ANKFN1: variants seen among roughly 807,000 people sequenced by gnomAD.
The protein encoded by ANKFN1 is ankyrin repeat and fibronectin type III domain containing 1.
In ANKFN1, 74 loss-of-function variants were observed where a neutral mutation model predicts 108.7. That is an observed-to-expected ratio of 0.68 (90% CI 0.56 to 0.83). The LOEUF (loss-of-function observed/expected upper bound fraction) is 0.83. Among genes scored for constraint, ANKFN1 ranks in the 40% least tolerant of loss-of-function variants. The pLI is 0.00. For synonymous variants in ANKFN1, 547 were observed against 516.2 expected (o/e 1.06, Z -0.81); for missense variants, 1,505 against 1,382.3 (o/e 1.09, Z -1.41).
At chr17:56,263,101 T>C (rs1397241758) in intron 3 of ANKFN1, among the ~76,000 whole-genome samples, 2 of 152,206 alleles carry the variant, frequency 1.3e-5, no homozygotes, top group African/African-American at 4.8e-5. Context: ...ACTTAGGCCC[T>C]ACAGTGGGGC....
chr17:56,203,361 G>T (rs1214319615), intron 1 of ANKFN1, among the ~76,000 whole-genome samples: 3 of 152,140 alleles, frequency 2.0e-5, no homozygotes, highest in Admixed American at 6.5e-5. Flanking sequence ...TCCATCTCCT[G>T]TGCCCATTCA....
intron 4 of ANKFN1, among the ~76,000 whole-genome samples, chr17:56,068,985 C>T (rs1905091969): frequency 6.6e-6 from 1 of 152,130 alleles, no homozygotes; most frequent in Admixed American, 6.6e-5. Context: ...ATGTCCCCCT[C>T]CTATGAATCT....
At chr17:56,305,829 G>A (rs951446644) in intron 3 of ANKFN1, among the ~76,000 whole-genome samples, 1 of 152,126 alleles carries the variant, frequency 6.6e-6, no homozygotes, top group African/African-American at 2.4e-5. Flanking sequence ...TAAGATGTGA[G>A]GCTTAAGTTG....
At chr17:56,459,271 C>CGG (rs923698448) in intron 14 of ANKFN1, among the ~76,000 whole-genome samples, 1 of 152,004 alleles carries the variant, frequency 6.6e-6, no homozygotes, top group Non-Finnish European at 1.5e-5. Context: ...CTACCACACC[C>CGG]GGCTAATTTT....
chr17:56,204,161 C>T (rs943181504), intron 1 of ANKFN1, among the ~76,000 whole-genome samples: 2 of 152,208 alleles, frequency 1.3e-5, no homozygotes, highest in Non-Finnish European at 2.9e-5. Flanking sequence ...ATCCTCCTGC[C>T]TCAGCCTCCT....
intron 20 of ANKFN1, among the ~76,000 whole-genome samples, chr17:56,504,642 G>A (rs1159344130): frequency 6.6e-6 from 1 of 151,694 alleles, no homozygotes. Flanking sequence ...CTGTTTTTAA[G>A]GCACTTAAAG....
intron 4 of ANKFN1, among the ~76,000 whole-genome samples, chr17:56,132,848 C>A (rs1213612178): frequency 2.6e-5 from 4 of 152,120 alleles, no homozygotes; most frequent in Non-Finnish European, 4.4e-5. Flanking sequence ...GTGGGAAGCT[C>A]TCCCGACCTA....
intron 4 of ANKFN1, among the ~76,000 whole-genome samples, chr17:56,341,807 A>T (rs991289603): frequency 1.3e-5 from 2 of 151,784 alleles, no homozygotes; most frequent in African/African-American, 2.4e-5. Context: ...TATCAGGGTG[A>T]TGCTGGCCTC....
chr17:56,495,528 A>T (rs1230912366), intron 19 of ANKFN1, among the ~76,000 whole-genome samples: 1 of 152,158 alleles, frequency 6.6e-6, no homozygotes, highest in Non-Finnish European at 1.5e-5. Flanking sequence ...AGAGCAAGGG[A>T]GTCTATGTAA....
chr17:56,069,496 G>A (rs1489040418), intron 4 of ANKFN1, among the ~76,000 whole-genome samples: 4 of 152,192 alleles, frequency 2.6e-5, no homozygotes, highest in Non-Finnish European at 5.9e-5. Context: ...ACCACTGAAT[G>A]AGGTTATATC....
At chr17:56,463,374 C>T (rs565838259) in intron 14 of ANKFN1, among the ~76,000 whole-genome samples, 4 of 152,182 alleles carry the variant, frequency 2.6e-5, no homozygotes, top group Admixed American at 1.3e-4. Flanking sequence ...CATCATCTTA[C>T]TGTGTAGTAA....
At chr17:56,262,862 T>G (rs2043553198) in intron 3 of ANKFN1, among the ~76,000 whole-genome samples, 1 of 151,546 alleles carries the variant, frequency 6.6e-6, no homozygotes, top group Non-Finnish European at 1.5e-5. Flanking sequence ...ACAAAAGGAG[T>G]AACAACTACG....
At chr17:56,221,565 T>C (rs1915895619) in intron 2 of ANKFN1, among the ~76,000 whole-genome samples, 1 of 152,084 alleles carries the variant, frequency 6.6e-6, no homozygotes, top group South Asian at 2.1e-4. Context: ...TTTTAAATGG[T>C]TAAAAATACA....
intron 3 of ANKFN1, among the ~76,000 whole-genome samples, chr17:56,251,144 A>G (rs908155618): frequency 6.6e-5 from 10 of 152,220 alleles, no homozygotes; most frequent in Non-Finnish European, 1.2e-4. Context: ...TAAACCCAGC[A>G]CTTTGGGAGG....
intron 3 of ANKFN1, 151 bp from the exon 4 acceptor site, chr17:56,326,070 A>G: frequency 9.5e-7 from 1 of 1,051,072 alleles, no homozygotes; most frequent in Non-Finnish European, 1.3e-6. Flanking sequence ...AGTCTAGAGA[A>G]TACACCTAGC....
intron 4 of ANKFN1, among the ~76,000 whole-genome samples, chr17:56,058,905 G>A (rs1783934610): frequency 6.6e-6 from 1 of 152,206 alleles, no homozygotes; most frequent in African/African-American, 2.4e-5. Flanking sequence ...ATGTGTGCAT[G>A]TGTCTTTATA....
intron 4 of ANKFN1, among the ~76,000 whole-genome samples, chr17:56,120,606 C>T (rs937054957): frequency 1.2e-4 from 19 of 152,098 alleles, no homozygotes; most frequent in Non-Finnish European, 2.4e-4. Context: ...CTTGGACAAG[C>T]ATGAAAATAA....
chr17:56,171,898 C>T (rs1338614926), intron 1 of ANKFN1, among the ~76,000 whole-genome samples: 1 of 152,166 alleles, frequency 6.6e-6, no homozygotes, highest in Non-Finnish European at 1.5e-5. Flanking sequence ...AGGTCTCTGT[C>T]CTGGCTTTTC....
rs373804237 is a variant in ANKFN1 at position 56,477,460 on chromosome 17, CTTTTTTTTTT to C, written c.1774-20_1774-11del. The C allele has an allele frequency of 3.7e-6, 5 of 1,347,986 alleles. No individual in the cohort carries two copies. The East Asian group carries it at 8.3e-5, about 22-fold the overall frequency. The allele number at this position is 1,347,986 out of a possible 1,614,324, so 83.5% of individuals were successfully genotyped here. On this transcript the variant is annotated intron_variant, in intron 15 of 20. Coordinates refer to ENST00000682825, the MANE Select transcript of ANKFN1 (RefSeq NM_001370326.1). ...GCCCTTCGAGTTGTTTTCTTGTTTT[CTTTTTTTTTT>C]TTTTTTTAACCCTACAGGATATTCT...
Sources: allele counts gnomAD v4.1 joint callset (sites outside exome capture counted in the v4.1 genomes callset), GRCh38; gene constraint gnomAD v4.1.1; transcripts MANE v1.5; gene names NCBI Gene and HGNC (gene_info 2026-07-23, HGNC 2026-07-21).